Variants in CNTNAP2 observed in about 807,000 individuals in gnomAD.
CNTNAP2 encodes contactin associated protein 2.
Under a neutral mutation model 155.2 loss-of-function variants are expected in CNTNAP2, and 98 were observed. That is an observed-to-expected ratio of 0.63 (90% CI 0.54 to 0.75). CNTNAP2 has a LOEUF of 0.75. Ranked by LOEUF, CNTNAP2 falls within the 30% of genes least tolerant of loss-of-function variation. The pLI is 0.00. For synonymous variants in CNTNAP2, 651 were observed against 631.2 expected (o/e 1.03, Z -0.47); for missense variants, 1,727 against 1,688.1 (o/e 1.02, Z -0.40).
chr7:147,668,014 A>C (rs1289480042), intron 13 of CNTNAP2, among the ~76,000 whole-genome samples: 1 of 152,138 alleles, frequency 6.6e-6, no homozygotes, highest in Non-Finnish European at 1.5e-5. Context: ...AAAATCAACA[A>C]GGTGGTGGTT....
chr7:148,305,682 G>C (rs1797479030), intron 21 of CNTNAP2, among the ~76,000 whole-genome samples: 1 of 152,166 alleles, frequency 6.6e-6, no homozygotes, highest in South Asian at 2.1e-4. Context: ...GCTGGGATCT[G>C]CCACATACTT....
intron 17 of CNTNAP2, among the ~76,000 whole-genome samples, chr7:148,149,288 T>C (rs941718587): frequency 1.3e-5 from 2 of 152,160 alleles, no homozygotes; most frequent in East Asian, 1.9e-4. Context: ...GTATTTATTA[T>C]GGTCTTGGAA....
intron 21 of CNTNAP2, among the ~76,000 whole-genome samples, chr7:148,312,168 G>A (rs1034039821): frequency 7.2e-5 from 11 of 152,186 alleles, no homozygotes; most frequent in Admixed American, 7.2e-4. Flanking sequence ...AAAACAGTAA[G>A]GTCATAGTTG....
intron 13 of CNTNAP2, among the ~76,000 whole-genome samples, chr7:147,646,048 G>A (rs958082438): frequency 1.3e-5 from 2 of 152,222 alleles, no homozygotes; most frequent in Non-Finnish European, 2.9e-5. Flanking sequence ...GGAAGCAGAG[G>A]TGGTGGGAAG....
chr7:146,360,663 A>G (rs1795069368), intron 1 of CNTNAP2, among the ~76,000 whole-genome samples: 1 of 152,198 alleles, frequency 6.6e-6, no homozygotes. Context: ...TTGGCCAAAT[A>G]TCAAGTGAGC....
chr7:148,353,842 G>GA (rs1325597774), intron 21 of CNTNAP2, among the ~76,000 whole-genome samples: 31 of 152,174 alleles, frequency 2.0e-4, no homozygotes, highest in African/African-American at 7.5e-4. Flanking sequence ...CAATGAAGTT[G>GA]ATTCAAAAAG....
At chr7:148,354,178 A>ATTTTTTT (rs57278575) in intron 21 of CNTNAP2, among the ~76,000 whole-genome samples, 2 of 99,298 alleles carry the variant, frequency 2.0e-5, no homozygotes, top group Non-Finnish European at 3.8e-5. Context: ...GAAACGATTA[A>ATTTTTTT]TTTTTTTTTT....
At chr7:147,842,861 C>T (rs1363040340) in intron 13 of CNTNAP2, among the ~76,000 whole-genome samples, 6 of 48,264 alleles carry the variant, frequency 1.2e-4, no homozygotes, top group South Asian at 1.8e-3. Context: ...TTTGTTCTTG[C>T]GATAGTTTAC....
intron 8 of CNTNAP2, among the ~76,000 whole-genome samples, chr7:147,262,476 C>T (rs1162621393): frequency 6.6e-6 from 1 of 151,844 alleles, no homozygotes; most frequent in African/African-American, 2.4e-5. Context: ...GAGATTAGGA[C>T]ACAGACACAC....
intron 4 of CNTNAP2, among the ~76,000 whole-genome samples, chr7:147,056,236 C>G (rs986279638): frequency 6.6e-6 from 1 of 152,148 alleles, no homozygotes; most frequent in Non-Finnish European, 1.5e-5. Flanking sequence ...TCCTTCTTAA[C>G]CAACCATTTA....
At chr7:147,145,759 T>G (rs756199243) in intron 8 of CNTNAP2, among the ~76,000 whole-genome samples, 55 of 152,334 alleles carry the variant, frequency 3.6e-4, no homozygotes, top group Admixed American at 2.8e-3. Context: ...CAGACTCCTT[T>G]CTTTGATTTC....
chr7:146,281,690 G>A (rs182120984), intron 1 of CNTNAP2, among the ~76,000 whole-genome samples: 3 of 152,058 alleles, frequency 2.0e-5, no homozygotes, highest in Admixed American at 2.0e-4. Flanking sequence ...AGCAACTCGG[G>A]AGACTGAGGC....
At chr7:146,469,518 CTTTTTTTTTT>C (rs544057518) in intron 1 of CNTNAP2, among the ~76,000 whole-genome samples, 7 of 129,076 alleles carry the variant, frequency 5.4e-5, no homozygotes, top group East Asian at 2.3e-4. Flanking sequence ...TAATAATTGA[CTTTTTTTTTT>C]TTTTTTTTTT....
At chr7:146,839,618 A>C (rs901704966) in intron 2 of CNTNAP2, 93 bp from the exon 3 acceptor site, 3 of 1,374,460 alleles carry the variant, frequency 2.2e-6, no homozygotes, top group Admixed American at 1.8e-5. Flanking sequence ...AGCACTGCCA[A>C]GACCAATTAA....
At chr7:147,653,791 C>T (rs1038791991) in intron 13 of CNTNAP2, among the ~76,000 whole-genome samples, 1 of 152,196 alleles carries the variant, frequency 6.6e-6, no homozygotes, top group Non-Finnish European at 1.5e-5. Context: ...ATTTTATAAA[C>T]TCATGTTACT....
rs547953016 is a variant in CNTNAP2, at chr7:146,288,708, C to A, written c.97+171735C>A. On this transcript the variant is annotated intron_variant, in intron 1 of 23. Coordinates refer to ENST00000361727, the MANE Select transcript of CNTNAP2 (RefSeq NM_014141.6). ...TAAAATCAGGAAATTACAATTACTA[C>A]TGTATTTTACAGAACTGTAGGTCAC... 2.0e-5 allele frequency among the ~76,000 whole-genome samples: 3 copies of A among 150,348 alleles called. No individual in the cohort carries two copies. In the South Asian group the frequency reaches 6.3e-4, roughly 32 times the overall value.
chr7:147,086,746 T>C (rs1007491456), intron 4 of CNTNAP2, among the ~76,000 whole-genome samples: 6 of 152,210 alleles, frequency 3.9e-5, no homozygotes, highest in African/African-American at 1.2e-4. Context: ...ATACAGAAGA[T>C]ACATAATCTT....
chr7:146,251,659 A>G (rs1388414264), intron 1 of CNTNAP2, among the ~76,000 whole-genome samples: 1 of 152,174 alleles, frequency 6.6e-6, no homozygotes, highest in Non-Finnish European at 1.5e-5. Flanking sequence ...GGAGAGTATG[A>G]ATCAGAGGAT....
At chr7:147,185,162 G>A (rs1308553193) in intron 8 of CNTNAP2, among the ~76,000 whole-genome samples, 1 of 151,736 alleles carries the variant, frequency 6.6e-6, no homozygotes, top group Non-Finnish European at 1.5e-5. Flanking sequence ...AAGTAAAAAA[G>A]AGCAACAAAA....
Sources: gnomAD v4.1 joint callset for allele counts (sites outside exome capture counted in the v4.1 genomes callset) on GRCh38, gnomAD v4.1.1 for gene constraint, MANE v1.5 for transcripts, NCBI Gene and HGNC (gene_info 2026-07-23, HGNC 2026-07-21) for gene names.